CFAP47: variants seen among roughly 807,000 people sequenced by gnomAD.
The protein encoded by CFAP47 is cilia- and flagella-associated protein 47.
In CFAP47, 29 loss-of-function variants were observed where a neutral mutation model predicts 148.1. The ratio of observed to expected loss-of-function variants is 0.20; its 90% CI spans 0.15 to 0.27. CFAP47 has a LOEUF of 0.27. CFAP47 is among the 10% of genes least tolerant of loss of function. The pLI is 1.00. For missense variants in CFAP47, 1,872 were observed against 1,697.5 expected (o/e 1.10, Z -1.81); for synonymous variants, 664 against 577.3 (o/e 1.15, Z -2.15).
At chrX:36,110,411 T>C (rs73470994) in intron 33 of CFAP47, among the ~76,000 whole-genome samples, 2,883 of 111,096 alleles carry the variant, frequency 0.026, 96 homozygotes, top group African/African-American at 0.09. Context: ...TGTCAAAGAT[T>C]AGATAGTTGT....
chrX:36,335,081 C>T (rs1345420596), intron 57 of CFAP47, among the ~76,000 whole-genome samples: 1 of 110,895 alleles, frequency 9.0e-6, no homozygotes, highest in African/African-American at 3.3e-5. Flanking sequence ...ATTCAATGGC[C>T]TACACATTAT....
At chrX:36,221,230 A>G (rs1335157975) in intron 45 of CFAP47, among the ~76,000 whole-genome samples, 3 of 111,741 alleles carry the variant, frequency 2.7e-5, no homozygotes. Flanking sequence ...ACCAAAACAA[A>G]GTGAGCTCAA....
intron 8 of CFAP47, among the ~76,000 whole-genome samples, chrX:35,958,227 C>T (rs896821995): frequency 9.0e-6 from 1 of 111,561 alleles, no homozygotes; most frequent in African/African-American, 3.3e-5. Flanking sequence ...ATTTTTATAG[C>T]CAAATTATAT....
chrX:36,148,519 C>T (rs540093377), intron 36 of CFAP47, among the ~76,000 whole-genome samples: 4 of 111,827 alleles, frequency 3.6e-5, no homozygotes, highest in South Asian at 7.5e-4. Flanking sequence ...TGTGTACTCA[C>T]GTTTTTCAAG....
At chrX:36,242,001 T>A (rs1940550973) in intron 48 of CFAP47, among the ~76,000 whole-genome samples, 1 of 111,771 alleles carries the variant, frequency 8.9e-6, no homozygotes, top group Non-Finnish European at 1.9e-5. Context: ...GTCACGTGGC[T>A]GTGTAAGAGC....
chrX:35,971,731 A>T lies in CFAP47; in HGVS notation c.2116A>T (p.Arg706Trp), dbSNP rs771878651. 2 of 1,211,269 alleles carry T rather than the reference A, an allele frequency of 1.7e-6. No homozygotes were observed. Among genetic ancestry groups the T allele is most frequent in the Admixed American group, 4.4e-5 (2 of 45,966 alleles). The change falls in exon 12 of 64, where the codon AGG becomes TGG. Residue 706 changes from arginine to tryptophan, a missense_variant. Transcript: ENST00000378653. ...SIRANRLLTT[R>W]GIASQEEESV... is the part of the protein sequence containing the mutation. ...TAGAGCGAATCGATTGTTAACCACC[A>T]GGGGTATAGCATCTCAGGAGGAAGA...
intron 49 of CFAP47, among the ~76,000 whole-genome samples, 167 bp from the exon 50 acceptor site, chrX:36,280,320 A>T (rs1941064626): frequency 9.0e-6 from 1 of 111,592 alleles, no homozygotes; most frequent in Admixed American, 9.6e-5. Flanking sequence ...TTTCCTTAAA[A>T]TGTTCTGAAT....
At chrX:35,953,521 T>C in intron 6 of CFAP47, 71 bp from the exon 7 acceptor site, 1 of 778,213 alleles carries the variant, frequency 1.3e-6, no homozygotes, top group Non-Finnish European at 1.8e-6. Context: ...ATTGGATTGA[T>C]ATTTCCTCTT....
At chrX:36,232,846 T>G (rs1256064915) in intron 46 of CFAP47, among the ~76,000 whole-genome samples, 1 of 112,091 alleles carries the variant, frequency 8.9e-6, no homozygotes, top group Admixed American at 9.5e-5. Flanking sequence ...AAGAACATCT[T>G]TATTTCTGCC....
At chrX:36,186,850 T>G (rs1555985729) in intron 40 of CFAP47, among the ~76,000 whole-genome samples, 1 of 108,173 alleles carries the variant, frequency 9.2e-6, no homozygotes, top group African/African-American at 3.4e-5. Context: ...CACTGGTTGT[T>G]CTACAGTATT....
intron 57 of CFAP47, among the ~76,000 whole-genome samples, chrX:36,332,857 T>C (rs1941575349): frequency 8.9e-6 from 1 of 112,230 alleles, no homozygotes; most frequent in African/African-American, 3.2e-5. Context: ...CATATCACAT[T>C]AGTGTGTTAT....
intron 42 of CFAP47, among the ~76,000 whole-genome samples, chrX:36,193,721 C>T (rs1939889710): frequency 9.0e-6 from 1 of 111,549 alleles, no homozygotes; most frequent in Admixed American, 9.6e-5. Context: ...ATTCTCAGCT[C>T]CCTTCATACT....
chrX:36,289,304 C>G (rs1941169782), intron 51 of CFAP47, among the ~76,000 whole-genome samples: 1 of 110,802 alleles, frequency 9.0e-6, no homozygotes, highest in African/African-American at 3.3e-5. Flanking sequence ...GCACCCGGGC[C>G]TCTTTCATAC....
At chrX:36,139,875 AT>A (rs1358562297) in intron 35 of CFAP47, among the ~76,000 whole-genome samples, 1 of 110,401 alleles carries the variant, frequency 9.1e-6, no homozygotes, top group East Asian at 2.8e-4. Flanking sequence ...CATTCCTGAC[AT>A]TTGTATTCTT....
At chrX:36,042,641 CAAGTT>C (rs1369734646) in intron 25 of CFAP47, among the ~76,000 whole-genome samples, 1 of 110,588 alleles carries the variant, frequency 9.0e-6, no homozygotes, top group Admixed American at 9.7e-5. Context: ...TTATAAAACT[CAAGTT>C]AAATACGCCT....
In CFAP47 at chrX:36,253,801, T is replaced by C. The variant is rs782532553; in HGVS notation, c.7444+2357T>C. ...ATATTCAGTTGTTTGAGCTCCACTA[T>C]CAAATAACTTTTGCCAGTCCAGATA... On this transcript the variant is annotated intron_variant, in intron 49 of 63. Transcript: ENST00000378653. Among the ~76,000 whole-genome samples, 22 of 111,429 alleles carry C rather than the reference T, an allele frequency of 2.0e-4. No individual in the cohort carries two copies. In the East Asian group the frequency reaches 6.2e-3, roughly 32 times the overall value.
At chrX:36,334,455 A>G (rs1353744410) in intron 57 of CFAP47, among the ~76,000 whole-genome samples, 2 of 111,641 alleles carry the variant, frequency 1.8e-5, no homozygotes, top group Admixed American at 1.9e-4. Flanking sequence ...TAATTTTTAT[A>G]TAAAGTTATA....
intron 37 of CFAP47, among the ~76,000 whole-genome samples, chrX:36,151,228 T>C (rs1421031427): frequency 8.9e-6 from 1 of 112,144 alleles, no homozygotes; most frequent in African/African-American, 3.2e-5. Flanking sequence ...AAAATTTGAG[T>C]TATAGAAAAA....
chrX:36,289,484 T>A (rs1438730294), intron 51 of CFAP47, among the ~76,000 whole-genome samples: 3 of 111,101 alleles, frequency 2.7e-5, no homozygotes, highest in African/African-American at 9.8e-5. Context: ...CCGGAAAAAA[T>A]ATCTCATGGT....
Sources: allele counts gnomAD v4.1 joint callset (sites outside exome capture counted in the v4.1 genomes callset), GRCh38; gene constraint gnomAD v4.1.1; transcripts MANE v1.5; gene names NCBI Gene and HGNC (gene_info 2026-07-23, HGNC 2026-07-21).